The following TNF variants were observed in gnomAD, a reference collection of about 807,000 sequenced individuals.
TNF encodes tumor necrosis factor, also known as APC1 protein.
TNF carries 7 observed loss-of-function variants against 21.8 expected under a neutral mutation model. That is an observed-to-expected ratio of 0.32 (90% CI 0.18 to 0.60). TNF has a LOEUF of 0.60. Ranked by LOEUF, TNF falls within the 20% of genes least tolerant of loss-of-function variation. The probability of loss-of-function intolerance (pLI) is 0.84; values close to 1 mark genes in which losing one functional copy is unlikely to be tolerated. For synonymous variants in TNF, 123 were observed against 130.2 expected (o/e 0.94, Z 0.38); for missense variants, 216 against 296.6 (o/e 0.73, Z 2.00).
In TNF at chr6:31,577,473, A is replaced by G; in HGVS notation, c.638A>G (p.Asn213Ser). 1 of 1,613,100 alleles carries G rather than the reference A, an allele frequency of 6.2e-7. No individual in the cohort carries two copies. Among genetic ancestry groups the G allele is most frequent in the Non-Finnish European group, 8.5e-7 (1 of 1,180,042 alleles). Reference protein sequence around the residue: ...EKGDRLSAEINRPDYLDFAES... With the variant: ...EKGDRLSAEISRPDYLDFAES... ...GGTGACCGACTCAGCGCTGAGATCA[A>G]TCGGCCCGACTATCTCGACTTTGCC... The change falls in exon 4 of 4, where the codon AAT becomes AGT. Residue 213 changes from asparagine (N) to serine (S), a missense_variant. Transcript: ENST00000449264. This position sits in a 1 kb window ranked among gnomAD's most constrained non-coding sequence, Gnocchi z 7.7.
chr6:31,576,712 G>C (rs1290017678), intron 2 of TNF, 55 bp from the exon 3 acceptor site: 5 of 1,553,832 alleles, frequency 3.2e-6, no homozygotes, highest in Admixed American at 3.5e-5. Flanking sequence ...AAGTAGGGGG[G>C]TATTTTCTAG....
rs1771137269 is a variant in TNF at position 31,575,634 on chromosome 6, C to G, written c.-108C>G. On this transcript the variant is annotated 5_prime_UTR_variant, in exon 1 of 4. Coordinates refer to ENST00000449264, the MANE Select transcript of TNF (RefSeq NM_000594.4). The surrounding 1 kb of genome is among the most constrained non-coding windows in gnomAD (Gnocchi z 6.2). ...GGAGAGAAGCAACTACAGACCCCCC[C>G]TGAAAACAACCCTCAGACGCCACAT... 2 of 1,109,924 alleles carry G rather than the reference C, an allele frequency of 1.8e-6. No homozygotes were observed. Among genetic ancestry groups the G allele is most frequent in the Admixed American group, 2.5e-5 (1 of 39,850 alleles). 68.8% of individuals were successfully genotyped at this position (1,109,924 alleles called of 1,614,324 possible). A position where few individuals can be genotyped will look rare whatever the true frequency, so the allele number is the denominator to read the frequency against.
Position 31,575,882 on chromosome 6 carries a change from C to T in TNF, c.141C>T (p.Leu47=), listed in dbSNP as rs541347219. 22 of 1,608,568 alleles carry T rather than the reference C, an allele frequency of 1.4e-5. No individual in the cohort carries two copies. The highest frequency in any genetic ancestry group is 1.8e-5 in the Non-Finnish European group (21 of 1,177,332). ...TGATCGTGGCAGGCGCCACCACGCT[C>T]TTCTGCCTGCTGCACTTTGGAGTGA... is the stretch of plus-strand genomic sequence containing the variant. ...SFLIVAGATT[L]FCLLHFGVIG... The change falls in exon 1 of 4, where the codon CTC becomes CTT. Residue 47 remains leucine (L), a synonymous_variant. Transcript: ENST00000449264. This position sits in a 1 kb window ranked among gnomAD's most constrained non-coding sequence, Gnocchi z 6.2.
At chr6:31,576,166 G>GTGAATGAA (rs4645841) in intron 1 of TNF, among the ~76,000 whole-genome samples, 1 of 152,090 alleles carries the variant, frequency 6.6e-6, no homozygotes, top group Non-Finnish European at 1.5e-5. Context: ...TGTGTATGGA[G>GTGAATGAA]TGAATGAATG....
intron 2 of TNF, 45 bp from the exon 3 acceptor site, chr6:31,576,722 G>A (rs1049796997): frequency 6.2e-7 from 1 of 1,611,548 alleles, no homozygotes; most frequent in Non-Finnish European, 8.5e-7. Flanking sequence ...GTATTTTCTA[G>A]GAAGTTTAAG....
In TNF at chr6:31,575,784, G is replaced by C; in HGVS notation, c.43G>C (p.Glu15Gln). The C allele has an allele frequency of 1.9e-6, 3 of 1,607,994 alleles. No homozygotes were observed. Among genetic ancestry groups the C allele is most frequent in the Non-Finnish European group, 2.5e-6 (3 of 1,177,066 alleles). Residue 15 changes from glutamate (E) to glutamine (Q), a missense_variant, in exon 1 of 4, where the codon GAG becomes CAG. By Grantham distance (29) the Glu-to-Gln change is conservative. Around this residue, in one of 2 missense-constraint regions of TNF, gnomAD observed 118 missense variants for 127.1 expected, o/e 0.93. Coordinates refer to ENST00000449264, the MANE Select transcript of TNF (RefSeq NM_000594.4). The surrounding 1 kb of genome is among the most constrained non-coding windows in gnomAD (Gnocchi z 6.2). Reference sequence around the variant, plus strand: ...GATCCGGGACGTGGAGCTGGCCGAGGAGGCGCTCCCCAAGAAGACAGGGGG... The same window carrying C: ...GATCCGGGACGTGGAGCTGGCCGAGCAGGCGCTCCCCAAGAAGACAGGGGG... ...SMIRDVELAE[E>Q]ALPKKTGGPQ... is the part of the protein sequence containing the mutation.
chr6:31,576,796 C>G lies in TNF; in HGVS notation c.262C>G (p.Pro88Ala). 1 of 1,613,018 alleles carries G rather than the reference C, an allele frequency of 6.2e-7. No individual in the cohort carries two copies. The highest frequency in any genetic ancestry group is 8.5e-7 in the Non-Finnish European group (1 of 1,180,008). ...RSSSRTPSDK[P>A]VAHVVANPQA... The stretch of plus-strand genomic sequence containing the variant: ...ATCTTCTCGAACCCCGAGTGACAAG[C>G]CTGTAGCCCATGTTGTAGGTAAGAG... The change falls in exon 3 of 4, where the codon CCT becomes GCT. Residue 88 changes from proline to alanine, a missense_variant. Physicochemically the swap from Pro to Ala is conservative, Grantham distance 27. Around this residue, in one of 2 missense-constraint regions of TNF, gnomAD observed 118 missense variants for 127.1 expected, o/e 0.93. Transcript: ENST00000449264.
chr6:31,577,033 TG>T lies in TNF; in HGVS notation c.281-80del. On this transcript the variant is annotated intron_variant, in intron 3 of 3. Transcript: ENST00000449264. The surrounding 1 kb of genome is among the most constrained non-coding windows in gnomAD (Gnocchi z 7.7). ...GAGAGGACAGGAACCGGATGTGGGG[TG>T]GGCAGAGCTCGAGGGCCAGGATGTG... 1 of 1,508,908 alleles carries T rather than the reference TG, an allele frequency of 6.6e-7. No homozygotes were observed. The highest frequency in any genetic ancestry group is 9.0e-7 in the Non-Finnish European group (1 of 1,116,888). The allele number at this position is 1,508,908 out of a possible 1,614,324, so 93.5% of individuals were successfully genotyped here.
Position 31,576,822 on chromosome 6 carries a change from C to T in TNF, c.280+8C>T, listed in dbSNP as rs775106258. 5.6e-6 allele frequency: 9 copies of T among 1,612,872 alleles called. No homozygotes were observed. The highest frequency in any genetic ancestry group is 7.6e-6 in the Non-Finnish European group (9 of 1,179,972). ...CTGTAGCCCATGTTGTAGGTAAGAG[C>T]TCTGAGGATGTGTCTTGGAACTTGG... On this transcript the variant is annotated splice_region_variant and intron_variant, in intron 3 of 3. Coordinates refer to ENST00000449264, the MANE Select transcript of TNF (RefSeq NM_000594.4).
Position 31,577,804 on chromosome 6 carries a change from T to G in TNF, c.*267T>G. ...CACTGGGGCCTACAGCTTTGATCCCTGACATCTGGAATCTGGAGACCAGGG... is the reference window on the plus strand; with the variant it reads ...CACTGGGGCCTACAGCTTTGATCCCGGACATCTGGAATCTGGAGACCAGGG... On this transcript the variant is annotated 3_prime_UTR_variant, in exon 4 of 4. Transcript: ENST00000449264. This position sits in a 1 kb window ranked among gnomAD's most constrained non-coding sequence, Gnocchi z 7.7. The G allele has an allele frequency of 1.7e-6, 1 of 574,374 alleles. No individual in the cohort carries two copies. Among genetic ancestry groups the G allele is most frequent in the South Asian group, 2.1e-5 (1 of 48,156 alleles). 35.6% of individuals were successfully genotyped at this position (574,374 alleles called of 1,614,324 possible).
In TNF at chr6:31,575,644, C is replaced by T. The variant is rs1771137781; in HGVS notation, c.-98C>T. The T allele has an allele frequency of 2.5e-6, 3 of 1,197,856 alleles. No homozygotes were observed. The highest frequency in any genetic ancestry group is 2.3e-6 in the Non-Finnish European group (2 of 871,638). The allele number at this position is 1,197,856 out of a possible 1,614,324, so 74.2% of individuals were successfully genotyped here. On this transcript the variant is annotated 5_prime_UTR_variant, in exon 1 of 4. Coordinates refer to ENST00000449264, the MANE Select transcript of TNF (RefSeq NM_000594.4). This position sits in a 1 kb window ranked among gnomAD's most constrained non-coding sequence, Gnocchi z 6.2. ...AACTACAGACCCCCCCTGAAAACAA[C>T]CCTCAGACGCCACATCCCCTGACAA... is the stretch of plus-strand genomic sequence containing the variant.
rs867054104 is a variant in TNF, at chr6:31,578,113, C to T, written c.*576C>T. ...GCTGCCTTGGCTCAGACATGTTTTC[C>T]GTGAAAACGGAGCTGAACAATAGGC... On this transcript the variant is annotated 3_prime_UTR_variant, in exon 4 of 4. Transcript: ENST00000449264. This position sits in a 1 kb window ranked among gnomAD's most constrained non-coding sequence, Gnocchi z 6.0. 1 of 152,270 alleles carries T rather than the reference C, an allele frequency of 6.6e-6. No homozygotes were observed. The highest frequency in any genetic ancestry group is 2.4e-5 in the African/African-American group (1 of 41,442). 9.4% of individuals were successfully genotyped at this position (152,270 alleles called of 1,614,324 possible).
At position 31,577,555 on chromosome 6, in the gene TNF, C is replaced by G. The variant is rs535723784; in HGVS notation, c.*18C>G. ...CCCTGTGAGGAGGACGAACATCCAA[C>G]CTTCCCAAACGCCTCCCCTGCCCCA... is the stretch of plus-strand genomic sequence containing the variant. On this transcript the variant is annotated 3_prime_UTR_variant, in exon 4 of 4. Transcript: ENST00000449264. This position sits in a 1 kb window ranked among gnomAD's most constrained non-coding sequence, Gnocchi z 7.7. 6.2e-7 allele frequency: 1 copy of G among 1,612,984 alleles called. No homozygotes were observed. Among genetic ancestry groups the G allele is most frequent in the Non-Finnish European group, 8.5e-7 (1 of 1,179,998 alleles).
intron 1 of TNF, 80 bp downstream of exon 1, chr6:31,576,007 G>A: frequency 7.3e-7 from 1 of 1,368,084 alleles, no homozygotes; most frequent in Non-Finnish European, 9.6e-7. Context: ...GATGGGATGG[G>A]TGAAAGATGT....
At position 31,577,171 on chromosome 6, in the gene TNF, C is replaced by T; in HGVS notation, c.336C>T (p.Leu112=). ...LQWLNRRANA[L]LANGVELRDN... ...GGCTGAACCGCCGGGCCAATGCCCT[C>T]CTGGCCAATGGCGTGGAGCTGAGAG... The change falls in exon 4 of 4, where the codon CTC becomes CTT. Residue 112 remains leucine, a synonymous_variant. Transcript: ENST00000449264. The surrounding 1 kb of genome is among the most constrained non-coding windows in gnomAD (Gnocchi z 7.7). 1 of 1,612,980 alleles carries T rather than the reference C, an allele frequency of 6.2e-7. No individual in the cohort carries two copies. The highest frequency in any genetic ancestry group is 8.5e-7 in the Non-Finnish European group (1 of 1,179,970).
In TNF at chr6:31,575,589, A is replaced by G. The variant is rs1771134578; in HGVS notation, c.-153A>G. 1.5e-6 allele frequency: 1 copy of G among 684,490 alleles called. No individual in the cohort carries two copies. The highest frequency in any genetic ancestry group is 2.4e-6 in the Non-Finnish European group (1 of 412,910). The allele number at this position is 684,490 out of a possible 1,614,324, so 42.4% of individuals were successfully genotyped here. ...CAGCAGACGCTCCCTCAGCAAGGAC[A>G]GCAGAGGACCAGCTAAGAGGGAGAG... On this transcript the variant is annotated 5_prime_UTR_variant, in exon 1 of 4. Coordinates refer to ENST00000449264, the MANE Select transcript of TNF (RefSeq NM_000594.4). The surrounding 1 kb of genome is among the most constrained non-coding windows in gnomAD (Gnocchi z 6.2).
chr6:31,576,901 C>T, intron 3 of TNF, 87 bp downstream of exon 3: 1 of 1,525,490 alleles, frequency 6.6e-7, no homozygotes. Context: ...AACTTGGAGA[C>T]AATGTGAGAA....
Position 31,577,503 on chromosome 6 carries a change from C to T in TNF, c.668C>T (p.Ser223Phe). Residue 223 changes from serine to phenylalanine, a missense_variant, in exon 4 of 4, where the codon TCT becomes TTT. Coordinates refer to ENST00000449264, the MANE Select transcript of TNF (RefSeq NM_000594.4). This position sits in a 1 kb window ranked among gnomAD's most constrained non-coding sequence, Gnocchi z 7.7. ...NRPDYLDFAE[S>F]GQVYFGIIAL ...CCCGACTATCTCGACTTTGCCGAGT[C>T]TGGGCAGGTCTACTTTGGGATCATT... 6.2e-7 allele frequency: 1 copy of T among 1,613,134 alleles called. No individual in the cohort carries two copies. The highest frequency in any genetic ancestry group is 8.5e-7 in the Non-Finnish European group (1 of 1,180,040).
intron 2 of TNF, 84 bp from the exon 3 acceptor site, chr6:31,576,683 G>A: frequency 6.3e-7 from 1 of 1,599,920 alleles, no homozygotes; most frequent in African/African-American, 1.4e-5. Flanking sequence ...TGGTCTTGGG[G>A]GAGGATGGAT....
Sources: gnomAD v4.1 joint callset for allele counts (sites outside exome capture counted in the v4.1 genomes callset) on GRCh38, gnomAD v4.1.1 for gene constraint, gnomAD v4.1.1 regional missense constraint, Gnocchi (gnomAD v3.1) non-coding constraint, MANE v1.5 for transcripts, NCBI Gene and HGNC (gene_info 2026-07-23, HGNC 2026-07-21) for gene names.